The following FAM120B variants were observed in gnomAD, a reference collection of about 807,000 sequenced individuals.
FAM120B encodes the protein constitutive coactivator of peroxisome proliferator-activated receptor gamma.
FAM120B carries 83 observed loss-of-function variants against 96.3 expected under a neutral mutation model. The observed-to-expected ratio is 0.86, with a 90% confidence interval of 0.72 to 1.03. The LOEUF (loss-of-function observed/expected upper bound fraction) is 1.03, where lower values mean the gene tolerates loss of function less well. Ranked by LOEUF, FAM120B falls within the 50% of genes least tolerant of loss-of-function variation. The probability of loss-of-function intolerance (pLI) is 0.00; values close to 1 mark genes in which losing one functional copy is unlikely to be tolerated. For missense variants in FAM120B, 1,027 were observed against 1,121.2 expected (o/e 0.92, Z 1.20); for synonymous variants, 407 against 402.7 (o/e 1.01, Z -0.13).
intron 1 of FAM120B, among the ~76,000 whole-genome samples, chr6:170,297,096 C>T (rs1784031801): frequency 6.6e-6 from 1 of 152,214 alleles, no homozygotes; most frequent in Non-Finnish European, 1.5e-5. Flanking sequence ...ACAATAAACT[C>T]AGAAACGTGG....
At chr6:170,323,483 C>T (rs1021487529) in intron 3 of FAM120B, among the ~76,000 whole-genome samples, 2 of 152,126 alleles carry the variant, frequency 1.3e-5, no homozygotes, top group African/African-American at 4.8e-5. Context: ...GATGAGTGTG[C>T]ATTAAAAGAA....
At chr6:170,329,799 T>G (rs1330146749) in intron 3 of FAM120B, among the ~76,000 whole-genome samples, 1 of 152,170 alleles carries the variant, frequency 6.6e-6, no homozygotes, top group East Asian at 1.9e-4. Context: ...TTCTCAGCTC[T>G]TTTATAGAAG....
At chr6:170,307,353 A>G (rs1012482263) in intron 1 of FAM120B, among the ~76,000 whole-genome samples, 4 of 152,238 alleles carry the variant, frequency 2.6e-5, no homozygotes, top group African/African-American at 4.8e-5. Context: ...GACAGACAGA[A>G]AGACAGGGTT....
chr6:170,376,383 A>G (rs1417573461), intron 6 of FAM120B, among the ~76,000 whole-genome samples: 2 of 151,150 alleles, frequency 1.3e-5, no homozygotes, highest in Non-Finnish European at 3.0e-5. Flanking sequence ...ATACACATAT[A>G]GTGTGATAAG....
intron 4 of FAM120B, among the ~76,000 whole-genome samples, chr6:170,333,343 C>G (rs1202882425): frequency 6.6e-6 from 1 of 152,100 alleles, no homozygotes; most frequent in Non-Finnish European, 1.5e-5. Flanking sequence ...CGGGGCCTCA[C>G]CAGAAGCCAA....
chr6:170,386,623 A>G (rs1790199463), intron 6 of FAM120B, among the ~76,000 whole-genome samples: 1 of 152,196 alleles, frequency 6.6e-6, no homozygotes, highest in Non-Finnish European at 1.5e-5. Context: ...CTCTGCCCAC[A>G]AGGAAACCTC....
chr6:170,406,642 C>G lies in FAM120B; in HGVS notation c.*1891C>G, dbSNP rs1470870196. The G allele has an allele frequency of 6.6e-6, 1 of 152,174 alleles. No individual in the cohort carries two copies. Among genetic ancestry groups the G allele is most frequent in the Non-Finnish European group, 1.5e-5 (1 of 68,012 alleles). 9.4% of individuals were successfully genotyped at this position (152,174 alleles called of 1,614,324 possible). A position where few individuals can be genotyped will look rare whatever the true frequency, so the allele number is the denominator to read the frequency against. On this transcript the variant is annotated 3_prime_UTR_variant, in exon 11 of 11. Transcript: ENST00000476287. Reference sequence around the variant, plus strand: ...AGTCTTGTAGGACCCACATGTTTTCCTAGCTTTGGAAATCGATTTTTTTCA... The same window carrying G: ...AGTCTTGTAGGACCCACATGTTTTCGTAGCTTTGGAAATCGATTTTTTTCA...
At chr6:170,352,985 C>T (rs1172737200) in intron 5 of FAM120B, among the ~76,000 whole-genome samples, 1 of 151,508 alleles carries the variant, frequency 6.6e-6, no homozygotes, top group Non-Finnish European at 1.5e-5. Flanking sequence ...CCACTAGCTA[C>T]ACTAATAAAG....
At chr6:170,310,398 G>T (rs1784525067) in intron 1 of FAM120B, among the ~76,000 whole-genome samples, 1 of 152,232 alleles carries the variant, frequency 6.6e-6, no homozygotes, top group Admixed American at 6.5e-5. Context: ...ATCCCACAGG[G>T]TGGCTCTGTG....
chr6:170,298,692 G>C (rs1784076905), intron 1 of FAM120B, among the ~76,000 whole-genome samples: 1 of 152,122 alleles, frequency 6.6e-6, no homozygotes, highest in Admixed American at 6.5e-5. Flanking sequence ...CACAAACTAT[G>C]ATTTGCTTTT....
chr6:170,332,599 G>A (rs571867247), intron 4 of FAM120B, among the ~76,000 whole-genome samples: 1 of 152,286 alleles, frequency 6.6e-6, no homozygotes, highest in South Asian at 2.1e-4. Flanking sequence ...TCAGGAGGCT[G>A]AGGCAGGAGA....
chr6:170,377,654 C>T (rs1789624750), intron 6 of FAM120B, among the ~76,000 whole-genome samples: 1 of 47,852 alleles, frequency 2.1e-5, no homozygotes, highest in Non-Finnish European at 4.2e-5. Context: ...TGTGCACACG[C>T]GTCCCTAAAC....
intron 3 of FAM120B, among the ~76,000 whole-genome samples, chr6:170,325,807 C>T (rs902689990): frequency 1.3e-5 from 2 of 149,834 alleles, no homozygotes; most frequent in Non-Finnish European, 2.9e-5. Context: ...CACCATTGCA[C>T]TCCAGCCTGG....
At chr6:170,319,590 C>T (rs1405158487) in intron 2 of FAM120B, among the ~76,000 whole-genome samples, 1 of 152,140 alleles carries the variant, frequency 6.6e-6, no homozygotes, top group Non-Finnish European at 1.5e-5. Context: ...CTTACTTGAA[C>T]CTGGGAGGCG....
At position 170,348,320 on chromosome 6, in the gene FAM120B, C is replaced by T. The variant is rs761923838; in HGVS notation, c.2187C>T (p.Val729=). The change falls in exon 5 of 11, where the codon GTC becomes GTT. Residue 729 remains valine (V), a synonymous_variant. Coordinates refer to ENST00000476287, the MANE Select transcript of FAM120B (RefSeq NM_032448.3). ...ALCCLLIYLF[V]QVDTLCLEDL... ...GCTGCCTCTTGATCTACCTCTTTGT[C>T]CAGGTAATGTCCAGCTGCCCGTTCT... The T allele has an allele frequency of 1.9e-6, 3 of 1,612,420 alleles. No homozygotes were observed. The highest frequency in any genetic ancestry group is 2.2e-5 in the East Asian group (1 of 44,900).
upstream of FAM120B, chr6:170,291,018 A>AGCT (rs1292337769): frequency 2.8e-6 from 2 of 701,770 alleles, no homozygotes; most frequent in Middle Eastern, 2.3e-4. Context: ...ATCTGGCGAG[A>AGCT]GCTGTCACAA....
rs113641939 is a variant in FAM120B at position 170,362,384 on chromosome 6, T to C, written c.2283+4066T>C. Among the ~76,000 whole-genome samples the C allele has an allele frequency of 3.8e-3, 583 of 152,334 alleles. 1 individual carries two copies. The highest frequency in any genetic ancestry group is 0.013 in the African/African-American group (560 of 41,582). On this transcript the variant is annotated intron_variant, in intron 6 of 10. Coordinates refer to ENST00000476287, the MANE Select transcript of FAM120B (RefSeq NM_032448.3). ...CAGCATCCTGGTTCAGGCTTCTGTC[T>C]GCAGTCAGTGGGCATACCATGTACT...
upstream of FAM120B, among the ~76,000 whole-genome samples, chr6:170,292,404 C>T (rs928045957): frequency 2.6e-5 from 4 of 152,262 alleles, no homozygotes; most frequent in East Asian, 3.9e-4. This position sits in a 1 kb window ranked among gnomAD's most constrained non-coding sequence, Gnocchi z 6.6. Context: ...CCATCCCGCC[C>T]GTGGATCCCT....
At chr6:170,324,512 T>C (rs1360649741) in intron 3 of FAM120B, among the ~76,000 whole-genome samples, 1 of 152,246 alleles carries the variant, frequency 6.6e-6, no homozygotes, top group African/African-American at 2.4e-5. Context: ...GCACATTGAC[T>C]CTAATGATGG....
Sources: gnomAD v4.1 joint callset for allele counts (sites outside exome capture counted in the v4.1 genomes callset) on GRCh38, gnomAD v4.1.1 for gene constraint, Gnocchi (gnomAD v3.1) non-coding constraint, MANE v1.5 for transcripts, NCBI Gene and HGNC (gene_info 2026-07-23, HGNC 2026-07-21) for gene names.